NFATC1: variants seen among roughly 807,000 people sequenced by gnomAD.
The protein encoded by NFATC1 is nuclear factor of activated T cells 1.
In NFATC1, 22 loss-of-function variants were observed where a neutral mutation model predicts 76.0. The observed-to-expected ratio is 0.29, with a 90% confidence interval of 0.21 to 0.41. The LOEUF (loss-of-function observed/expected upper bound fraction) is 0.41. Ranked by LOEUF, NFATC1 falls within the 10% of genes least tolerant of loss-of-function variation. NFATC1 has a pLI of 1.00. For missense variants in NFATC1, 1,357 were observed against 1,337.7 expected, an observed-to-expected ratio of 1.01 and a Z score of -0.23; for synonymous variants, 704 against 613.1, an observed-to-expected ratio of 1.15 and a Z score of -2.19.
chr18:79,463,887 GGCAGGGAGAGCAGCCAGGAGGAGCC>G (rs752277635), intron 7 of NFATC1, among the ~76,000 whole-genome samples: 5 of 152,218 alleles, frequency 3.3e-5, no homozygotes, highest in African/African-American at 4.8e-5. Flanking sequence ...TGTCCCCCTA[GGCAGGGAGAGCAGCCAGGAGGAGCC>G]GTGAGCCTTT....
At chr18:79,439,656 C>G (rs976069024) in intron 3 of NFATC1, among the ~76,000 whole-genome samples, 1 of 152,252 alleles carries the variant, frequency 6.6e-6, no homozygotes, top group African/African-American at 2.4e-5. Context: ...GGAGAGCACA[C>G]ATGGTTGCCG....
At chr18:79,497,137 G>A (rs2089909020) in intron 9 of NFATC1, 1 of 152,268 alleles carries the variant, frequency 6.6e-6, no homozygotes, top group Non-Finnish European at 1.5e-5. Flanking sequence ...ATTTCTGACT[G>A]TTTGCTAAGG....
intron 9 of NFATC1, among the ~76,000 whole-genome samples, chr18:79,517,434 G>A (rs1009091086): frequency 1.3e-5 from 2 of 152,152 alleles, no homozygotes; most frequent in East Asian, 1.9e-4. Context: ...GGACAATTGC[G>A]TTCCTGCTGC....
At chr18:79,413,111 G>A (rs903431698) in intron 2 of NFATC1, among the ~76,000 whole-genome samples, 5 of 152,182 alleles carry the variant, frequency 3.3e-5, no homozygotes, top group East Asian at 1.9e-4. Flanking sequence ...TGTACAACGC[G>A]CTTCATGGTC....
At chr18:79,455,225 G>A (rs986183234) in intron 6 of NFATC1, among the ~76,000 whole-genome samples, 6 of 152,206 alleles carry the variant, frequency 3.9e-5, no homozygotes, top group Admixed American at 1.3e-4. Flanking sequence ...GTGTCGCTGC[G>A]CGGAAGCCAC....
At chr18:79,464,258 G>GT (rs1408264560) in intron 7 of NFATC1, among the ~76,000 whole-genome samples, 23 of 151,952 alleles carry the variant, frequency 1.5e-4, no homozygotes, top group Admixed American at 4.6e-4. Context: ...CCTGGCTAAT[G>GT]TTTTTGTATT....
At chr18:79,520,531 T>TGTGTGG (rs1555925214) in intron 9 of NFATC1, among the ~76,000 whole-genome samples, 4 of 141,600 alleles carry the variant, frequency 2.8e-5, no homozygotes, top group African/African-American at 8.0e-5. Context: ...ACTCTGTGTG[T>TGTGTGG]GGGGGGGGGA....
chr18:79,433,337 G>A (rs1168514043), intron 2 of NFATC1, among the ~76,000 whole-genome samples: 1 of 152,192 alleles, frequency 6.6e-6, no homozygotes, highest in South Asian at 2.1e-4. Flanking sequence ...CTGTCATGAA[G>A]GAAGAGAAGC....
intron 3 of NFATC1, among the ~76,000 whole-genome samples, chr18:79,436,445 G>A (rs916680002): frequency 6.6e-6 from 1 of 152,234 alleles, no homozygotes; most frequent in Non-Finnish European, 1.5e-5. Context: ...AGCCCTGGAG[G>A]GTGGCGGGGG....
chr18:79,416,398 G>C (rs1049334357), intron 2 of NFATC1, among the ~76,000 whole-genome samples: 8 of 152,360 alleles, frequency 5.3e-5, no homozygotes, highest in African/African-American at 1.7e-4. Context: ...GGCCCCGGCA[G>C]TGTTGGGGGA....
chr18:79,454,515 C>T (rs922879186), intron 6 of NFATC1, among the ~76,000 whole-genome samples: 2 of 152,224 alleles, frequency 1.3e-5, no homozygotes, highest in East Asian at 3.9e-4. Context: ...GGGCATGGCT[C>T]GCCGTAGCCT....
At chr18:79,497,208 G>A (rs1375189163) in intron 9 of NFATC1, 1 of 152,226 alleles carries the variant, frequency 6.6e-6, no homozygotes, top group African/African-American at 2.4e-5. Flanking sequence ...AGAGCATCTT[G>A]AATCAGCTCT....
intron 8 of NFATC1, among the ~76,000 whole-genome samples, chr18:79,475,340 A>G (rs950266255): frequency 7.2e-5 from 10 of 138,360 alleles, no homozygotes; most frequent in African/African-American, 2.0e-4. Flanking sequence ...TTCACTGTCA[A>G]CGTTGTGAGG....
chr18:79,451,615 A>G, intron 5 of NFATC1, 61 bp from the exon 6 acceptor site: 1 of 1,444,270 alleles, frequency 6.9e-7, no homozygotes, highest in Non-Finnish European at 9.1e-7. Flanking sequence ...TGGGTGCCAC[A>G]CGTGTGCCCC....
Position 79,448,417 on chromosome 18 carries a change from C to T in NFATC1, c.1387-365C>T, listed in dbSNP as rs184804090. On this transcript the variant is annotated intron_variant, in intron 3 of 9. Coordinates refer to ENST00000427363, the MANE Select transcript of NFATC1 (RefSeq NM_001278669.2). ...ACACAGGAAGGTGGGTCATGTCCTG[C>T]GGGGCCTCATCTGGATTTATTGGTG... The T allele has an allele frequency of 4.4e-4, 129 of 294,718 alleles. 1 individual carries two copies. Among genetic ancestry groups the T allele is most frequent in the Non-Finnish European group, 5.0e-4 (78 of 155,932 alleles). 18.3% of individuals were successfully genotyped at this position (294,718 alleles called of 1,614,324 possible).
rs148783814 is a variant in NFATC1 at position 79,505,907 on chromosome 18, C to T, written c.2782+18970C>T. 6.3e-3 allele frequency among the ~76,000 whole-genome samples: 892 copies of T among 142,322 alleles called. 9 individuals carry two copies. Among genetic ancestry groups the T allele is most frequent in the African/African-American group, 0.017 (663 of 38,684 alleles). 93.4% of individuals were successfully genotyped at this position (142,322 alleles called of 152,430 possible). On this transcript the variant is annotated intron_variant, in intron 9 of 9. Transcript: ENST00000427363. ...TTGGATGAGGGAAGAGGCAGGAGAC[C>T]GCTTTGTGGGAAGAGGTGGTGGACG...
At chr18:79,441,851 C>T (rs1299159882) in intron 3 of NFATC1, among the ~76,000 whole-genome samples, 13 of 152,006 alleles carry the variant, frequency 8.6e-5, no homozygotes, top group African/African-American at 2.4e-4. Flanking sequence ...CATAGAAGGT[C>T]GAGGTTTCTC....
chr18:79,410,680 T>C lies in NFATC1; in HGVS notation c.405T>C (p.Phe135=), dbSNP rs746715362. ...CLGLYHNNNQ[F]FHDVEVEDVL... Reference sequence around the variant, plus strand: ...GCCTGTACCACAACAATAACCAGTTTTTCCACGATGTGGAGGTGGAAGACG... The same window carrying C: ...GCCTGTACCACAACAATAACCAGTTCTTCCACGATGTGGAGGTGGAAGACG... Residue 135 remains phenylalanine, a synonymous_variant, in exon 2 of 10, where the codon TTT becomes TTC. Coordinates refer to ENST00000427363, the MANE Select transcript of NFATC1 (RefSeq NM_001278669.2). The surrounding 1 kb of genome is among the most constrained non-coding windows in gnomAD (Gnocchi z 6.7). 3.7e-6 allele frequency: 6 copies of C among 1,612,922 alleles called. No homozygotes were observed. The highest frequency in any genetic ancestry group is 8.5e-7 in the Non-Finnish European group (1 of 1,179,986).
At chr18:79,400,638 T>C (rs1267808876) in intron 1 of NFATC1, among the ~76,000 whole-genome samples, 1 of 150,370 alleles carries the variant, frequency 6.7e-6, no homozygotes, top group Non-Finnish European at 1.5e-5. Context: ...GTGCGGGGCG[T>C]CCTGGGCTCG....
Sources: allele counts gnomAD v4.1 joint callset (sites outside exome capture counted in the v4.1 genomes callset), GRCh38; gene constraint gnomAD v4.1.1; non-coding constraint Gnocchi (gnomAD v3.1); transcripts MANE v1.5; gene names NCBI Gene and HGNC (gene_info 2026-07-23, HGNC 2026-07-21).